The following NPSR1 variants were observed in gnomAD, a reference collection of about 807,000 sequenced individuals.
NPSR1 encodes the protein neuropeptide S receptor.
NPSR1 carries 48 observed loss-of-function variants against 46.9 expected under a neutral mutation model. That is an observed-to-expected ratio of 1.02 (90% CI 0.81 to 1.30). The LOEUF (loss-of-function observed/expected upper bound fraction) is 1.30, where lower values mean the gene tolerates loss of function less well. Ranked by LOEUF, NPSR1 falls within the 50% of genes most tolerant of loss-of-function variation. NPSR1 has a pLI of 0.00. For synonymous variants in NPSR1, 176 were observed against 168.1 expected (o/e 1.05, Z -0.36); for missense variants, 450 against 449.5 (o/e 1.00, Z -0.01).
intron 1 of NPSR1, among the ~76,000 whole-genome samples, chr7:34,671,296 G>A (rs2530572): frequency 0.53 from 81,071 of 151,984 alleles, 23,223 homozygotes; most frequent in African/African-American, 0.75. Context: ...TTTGCAGATG[G>A]TTTTTATTTT....
At chr7:34,715,831 G>A (rs1472484741) in intron 2 of NPSR1, among the ~76,000 whole-genome samples, 2 of 152,176 alleles carry the variant, frequency 1.3e-5, no homozygotes, top group African/African-American at 2.4e-5. Flanking sequence ...ATGGGAGGGC[G>A]ATCCATGAGG....
chr7:34,844,471 T>C (rs1393104455), intron 6 of NPSR1, among the ~76,000 whole-genome samples: 2 of 152,018 alleles, frequency 1.3e-5, no homozygotes, highest in Non-Finnish European at 2.9e-5. Context: ...TTTTTTTTGA[T>C]GAATGTATTT....
At chr7:34,684,049 A>G (rs1792794935) in intron 1 of NPSR1, among the ~76,000 whole-genome samples, 1 of 151,396 alleles carries the variant, frequency 6.6e-6, no homozygotes, top group Non-Finnish European at 1.5e-5. Context: ...CAGAGTTGTA[A>G]TCATACCCAG....
intron 2 of NPSR1, among the ~76,000 whole-genome samples, chr7:34,762,198 C>A (rs35480272): frequency 0.013 from 1,940 of 152,212 alleles, 40 homozygotes; most frequent in African/African-American, 0.045. Flanking sequence ...CCAAAGCTTT[C>A]TGTGAAGAGA....
chr7:34,678,354 T>C (rs879374646), intron 1 of NPSR1, among the ~76,000 whole-genome samples: 4 of 151,276 alleles, frequency 2.6e-5, no homozygotes, highest in Admixed American at 6.6e-5. Flanking sequence ...CCCGAGTAGC[T>C]GGGACTACAA....
chr7:34,860,463 T>A (rs1465785927), intron 8 of NPSR1, among the ~76,000 whole-genome samples: 1 of 151,916 alleles, frequency 6.6e-6, no homozygotes, highest in Non-Finnish European at 1.5e-5. Context: ...AACATAAATA[T>A]CTTTTGTATG....
chr7:34,852,794 A>G (rs1221073260), downstream of NPSR1, among the ~76,000 whole-genome samples: 7 of 152,212 alleles, frequency 4.6e-5, no homozygotes, highest in South Asian at 4.1e-4. Context: ...TTCCTGCACC[A>G]AGATGTCAAA....
At chr7:34,766,141 G>A (rs986909280) in intron 2 of NPSR1, among the ~76,000 whole-genome samples, 3 of 152,184 alleles carry the variant, frequency 2.0e-5, no homozygotes, top group Non-Finnish European at 4.4e-5. Flanking sequence ...ATAAAGCCAT[G>A]ATGAAATATC....
At chr7:34,694,118 C>T (rs1216032701) in intron 2 of NPSR1, among the ~76,000 whole-genome samples, 2 of 152,220 alleles carry the variant, frequency 1.3e-5, no homozygotes, top group South Asian at 2.1e-4. Flanking sequence ...TTCACCACTC[C>T]TATTCAACAT....
chr7:34,779,704 T>A, intron 3 of NPSR1: 1 of 506,440 alleles, frequency 2.0e-6, no homozygotes, highest in Non-Finnish European at 3.0e-6. Context: ...AAAAACATAT[T>A]TCAATTTCTT....
intron 2 of NPSR1, among the ~76,000 whole-genome samples, chr7:34,686,927 C>T (rs1792956833): frequency 1.4e-5 from 2 of 146,068 alleles, no homozygotes; most frequent in South Asian, 2.1e-4. Flanking sequence ...TGCCACTGCA[C>T]TCCAGCCTGG....
intron 2 of NPSR1, among the ~76,000 whole-genome samples, chr7:34,718,068 T>C (rs1349705545): frequency 6.6e-6 from 1 of 152,172 alleles, no homozygotes; most frequent in East Asian, 1.9e-4. Flanking sequence ...AAAAATAATA[T>C]TGAGAACCCA....
At chr7:34,842,371 G>A (rs1013034768) in intron 6 of NPSR1, among the ~76,000 whole-genome samples, 5 of 152,148 alleles carry the variant, frequency 3.3e-5, no homozygotes, top group Admixed American at 6.5e-5. Flanking sequence ...TGGCATTTTG[G>A]ACTGGATAAT....
chr7:34,748,894 T>A (rs1336767779), intron 2 of NPSR1, among the ~76,000 whole-genome samples: 1 of 152,174 alleles, frequency 6.6e-6, no homozygotes, highest in Non-Finnish European at 1.5e-5. Flanking sequence ...TACCTGAATC[T>A]GTGACCAATG....
At chr7:34,666,198 T>C (rs1028863521) in intron 1 of NPSR1, among the ~76,000 whole-genome samples, 1 of 152,334 alleles carries the variant, frequency 6.6e-6, no homozygotes, top group African/African-American at 2.4e-5. Flanking sequence ...ATAATGATGA[T>C]GCTATCGGAT....
chr7:34,810,672 T>A (rs1397454121), intron 3 of NPSR1, among the ~76,000 whole-genome samples: 1 of 152,248 alleles, frequency 6.6e-6, no homozygotes, highest in Non-Finnish European at 1.5e-5. Flanking sequence ...TTCTGGAATG[T>A]CAATTGTGGC....
At position 34,771,982 on chromosome 7, in the gene NPSR1, G is replaced by T. The variant is rs73325768; in HGVS notation, c.281-6480G>T. Among the ~76,000 whole-genome samples the T allele has an allele frequency of 9.2e-4, 140 of 152,308 alleles. 1 individual carries two copies. Among genetic ancestry groups the T allele is most frequent in the African/African-American group, 3.3e-3 (138 of 41,570 alleles). On this transcript the variant is annotated intron_variant, in intron 2 of 8. Transcript: ENST00000360581. ...AACCATGAAGTCTACCTAGAGTTAT[G>T]TAGGATGTCACCATTGGGGGATGCT...
intron 3 of NPSR1, among the ~76,000 whole-genome samples, chr7:34,797,892 T>C (rs959143974): frequency 4.6e-5 from 7 of 152,098 alleles, no homozygotes; most frequent in Admixed American, 6.6e-5. Context: ...GGGAAAAGAA[T>C]ACAAATCCCC....
chr7:34,766,451 C>G (rs1291303519), intron 2 of NPSR1, among the ~76,000 whole-genome samples: 1 of 152,080 alleles, frequency 6.6e-6, no homozygotes, highest in African/African-American at 2.4e-5. Context: ...GAAAATAACC[C>G]AAACATATTT....
Sources: allele counts gnomAD v4.1 joint callset (sites outside exome capture counted in the v4.1 genomes callset), GRCh38; gene constraint gnomAD v4.1.1; transcripts MANE v1.5; gene names NCBI Gene and HGNC (gene_info 2026-07-23, HGNC 2026-07-21).